Variants in EBF1 observed in about 807,000 individuals in gnomAD.
The protein encoded by EBF1 is transcription factor COE1.
Under a neutral mutation model 68.4 loss-of-function variants are expected in EBF1, and 10 were observed. The ratio of observed to expected loss-of-function variants is 0.15; its 90% CI spans 0.09 to 0.25. The LOEUF is 0.25. EBF1 is among the 10% of genes least tolerant of loss of function. The pLI is 1.00. For synonymous variants in EBF1, 298 were observed against 299.8 expected (o/e 0.99, Z 0.06); for missense variants, 509 against 794.4 (o/e 0.64, Z 4.32).
chr5:158,776,012 A>C (rs1400917370), intron 10 of EBF1, among the ~76,000 whole-genome samples: 1 of 152,176 alleles, frequency 6.6e-6, no homozygotes, highest in African/African-American at 2.4e-5. Flanking sequence ...TGTATACACC[A>C]CAAAACTCCA....
At chr5:158,861,982 A>G (rs1795037943) in intron 6 of EBF1, among the ~76,000 whole-genome samples, 1 of 152,202 alleles carries the variant, frequency 6.6e-6, no homozygotes, top group South Asian at 2.1e-4. Flanking sequence ...GTTATTTCAT[A>G]TCTTCAAAAT....
At chr5:158,995,891 C>T (rs1315240347) in intron 6 of EBF1, among the ~76,000 whole-genome samples, 2 of 152,168 alleles carry the variant, frequency 1.3e-5, no homozygotes, top group African/African-American at 4.8e-5. Context: ...GCAATTTTAT[C>T]ACATGACGTG....
At chr5:158,877,206 A>G (rs1797972195) in intron 6 of EBF1, among the ~76,000 whole-genome samples, 2 of 152,196 alleles carry the variant, frequency 1.3e-5, no homozygotes, top group African/African-American at 4.8e-5. Context: ...CAGTAACTGA[A>G]TAACAGCCAC....
rs368748671 is a variant in EBF1, at chr5:159,096,959, G to A, written c.291+15C>T. The A allele has an allele frequency of 4.3e-6, 7 of 1,612,208 alleles. No individual in the cohort carries two copies. The highest frequency in any genetic ancestry group is 2.7e-5 in the African/African-American group (2 of 74,910). On this transcript the variant is annotated intron_variant, in intron 2 of 15. Transcript: ENST00000313708. ...CGAGCCGGGGACGAGGGGCGACAGC[G>A]CTGCGCCCACTTACTTTTTCCTTCT...
chr5:158,777,347 A>G (rs1775501685), intron 10 of EBF1, 66 bp downstream of exon 10: 2 of 1,452,148 alleles, frequency 1.4e-6, no homozygotes, highest in South Asian at 3.2e-5. Context: ...TTATACAGAC[A>G]AGATAAGGGG....
At chr5:158,919,407 C>G (rs930236875) in intron 6 of EBF1, among the ~76,000 whole-genome samples, 1 of 152,110 alleles carries the variant, frequency 6.6e-6, no homozygotes, top group Non-Finnish European at 1.5e-5. Context: ...TGAGAACAAT[C>G]TTGATGCCTG....
intron 8 of EBF1, among the ~76,000 whole-genome samples, chr5:158,797,886 A>G (rs995541350): frequency 1.3e-5 from 2 of 152,188 alleles, no homozygotes; most frequent in Non-Finnish European, 2.9e-5. Context: ...AATCAAGAAG[A>G]TGTAAATGAT....
At chr5:158,723,330 A>G (rs1229931623) in intron 11 of EBF1, among the ~76,000 whole-genome samples, 2 of 152,122 alleles carry the variant, frequency 1.3e-5, no homozygotes, top group Non-Finnish European at 2.9e-5. Flanking sequence ...TAGGGGATAT[A>G]GGCTCTGGAT....
At chr5:159,031,219 T>C (rs1768775421) in intron 6 of EBF1, among the ~76,000 whole-genome samples, 1 of 152,168 alleles carries the variant, frequency 6.6e-6, no homozygotes, top group Non-Finnish European at 1.5e-5. Context: ...AGGGACAGGC[T>C]GGGATGTGGA....
At chr5:158,830,728 T>C (rs1189107573) in intron 7 of EBF1, among the ~76,000 whole-genome samples, 1 of 152,244 alleles carries the variant, frequency 6.6e-6, no homozygotes, top group Non-Finnish European at 1.5e-5. Context: ...CTTTGTCCTT[T>C]AAAATATCCT....
intron 6 of EBF1, among the ~76,000 whole-genome samples, chr5:158,927,717 G>A (rs774417871): frequency 2.9e-4 from 44 of 152,204 alleles, no homozygotes; most frequent in Non-Finnish European, 1.8e-4. Context: ...TGTACTGGAA[G>A]AGATCAATGA....
chr5:158,863,785 T>C (rs2128039332), intron 6 of EBF1, among the ~76,000 whole-genome samples: 1 of 152,296 alleles, frequency 6.6e-6, no homozygotes. Flanking sequence ...CTCTATAAAG[T>C]CTCTTCAATA....
At chr5:158,986,747 T>C (rs1030822216) in intron 6 of EBF1, 3 of 152,242 alleles carry the variant, frequency 2.0e-5, no homozygotes, top group African/African-American at 4.8e-5. Context: ...ATCTCTATCA[T>C]TTCATTGGGC....
intron 10 of EBF1, among the ~76,000 whole-genome samples, chr5:158,748,489 C>T (rs986454206): frequency 1.3e-5 from 2 of 152,134 alleles, no homozygotes; most frequent in Non-Finnish European, 2.9e-5. Context: ...TAATTGAATG[C>T]ACATATCAGT....
chr5:158,843,052 C>T (rs146010085), intron 6 of EBF1, among the ~76,000 whole-genome samples: 1 of 152,254 alleles, frequency 6.6e-6, no homozygotes, highest in African/African-American at 2.4e-5. Flanking sequence ...TAAGATTAAT[C>T]GAACTACTAA....
intron 10 of EBF1, among the ~76,000 whole-genome samples, chr5:158,731,457 G>A (rs1470652520): frequency 6.6e-6 from 1 of 152,332 alleles, no homozygotes; most frequent in Non-Finnish European, 1.5e-5. Flanking sequence ...TATTTGATGT[G>A]AGGTTTTTAG....
chr5:158,980,154 A>G (rs1191519816), intron 6 of EBF1, among the ~76,000 whole-genome samples: 2 of 152,226 alleles, frequency 1.3e-5, no homozygotes, highest in Admixed American at 1.3e-4. Context: ...ATTTCCTTCA[A>G]CAAAGATATT....
intron 6 of EBF1, among the ~76,000 whole-genome samples, chr5:159,054,651 C>T (rs1158758043): frequency 1.3e-5 from 2 of 152,298 alleles, no homozygotes; most frequent in South Asian, 2.1e-4. Flanking sequence ...AGGAATTATA[C>T]ACCCTAAAAG....
intron 6 of EBF1, among the ~76,000 whole-genome samples, chr5:158,850,594 C>A (rs762852349): frequency 2.0e-5 from 3 of 152,164 alleles, no homozygotes; most frequent in Non-Finnish European, 4.4e-5. Context: ...GAATTGATAG[C>A]TAGTTGATTC....
Sources: allele counts gnomAD v4.1 joint callset (sites outside exome capture counted in the v4.1 genomes callset), GRCh38; gene constraint gnomAD v4.1.1; transcripts MANE v1.5; gene names NCBI Gene and HGNC (gene_info 2026-07-23, HGNC 2026-07-21).